The following LARP4 variants were observed in gnomAD, a reference collection of about 807,000 sequenced individuals.
LARP4 encodes La ribonucleoprotein 4, also known as la-related protein 4.
Under a neutral mutation model 92.9 loss-of-function variants are expected in LARP4, and 29 were observed. The observed-to-expected ratio is 0.31, with a 90% CI of 0.23 to 0.43. The LOEUF (loss-of-function observed/expected upper bound fraction) is 0.43, where lower values mean the gene tolerates loss of function less well. Among genes scored for constraint, LARP4 ranks in the 20% least tolerant of loss-of-function variants. The pLI is 1.00. For synonymous variants in LARP4, 279 were observed against 284.1 expected (o/e 0.98, Z 0.18); for missense variants, 732 against 860.0 (o/e 0.85, Z 1.86).
rs143186808 is a variant in LARP4 at position 50,445,081 on chromosome 12, G to A, written c.804+3438G>A. On this transcript the variant is annotated intron_variant, in intron 8 of 15. Transcript: ENST00000398473. ...CTCAGCTAATTTTTCTACTTTTTTT[G>A]TGGTAGAGACGGAGTTTTGCTGTGT... Among the ~76,000 whole-genome samples, 322 of 139,112 alleles carry A rather than the reference G, an allele frequency of 2.3e-3. 2 individuals are homozygous for A. The highest frequency in any genetic ancestry group is 8.2e-3 in the African/African-American group (302 of 36,836). 91.3% of individuals were successfully genotyped at this position (139,112 alleles called of 152,430 possible). A position where few individuals can be genotyped will look rare whatever the true frequency, so the allele number is the denominator to read the frequency against.
intron 1 of LARP4, among the ~76,000 whole-genome samples, chr12:50,414,256 G>A (rs920444343): frequency 7.2e-5 from 11 of 152,070 alleles, no homozygotes; most frequent in Non-Finnish European, 1.2e-4. Flanking sequence ...TAATTCTCTT[G>A]TTTAACAGTA....
At chr12:50,440,097 T>TA (rs1474184742) in intron 6 of LARP4, among the ~76,000 whole-genome samples, 6 of 152,220 alleles carry the variant, frequency 3.9e-5, no homozygotes, top group African/African-American at 1.4e-4. Context: ...GTGAAATACT[T>TA]ACGCTTTGCT....
chr12:50,411,057 T>C (rs982877214), intron 1 of LARP4, among the ~76,000 whole-genome samples: 7 of 152,186 alleles, frequency 4.6e-5, no homozygotes, highest in African/African-American at 1.7e-4. Context: ...GGTGGTCCAG[T>C]TTCCTTGCTG....
intron 1 of LARP4, chr12:50,402,876 C>G (rs1355869373): frequency 2.3e-6 from 1 of 440,324 alleles, no homozygotes; most frequent in African/African-American, 2.0e-5. Flanking sequence ...CTCCATTAAT[C>G]ATTTTCTTTG....
intron 1 of LARP4, chr12:50,402,622 G>T (rs1340528749): frequency 1.1e-5 from 3 of 266,008 alleles, no homozygotes; most frequent in Non-Finnish European, 2.2e-5. Context: ...TCCATTTATT[G>T]TTTAAACTAG....
rs1435776786 is a variant in LARP4 at position 50,476,037 on chromosome 12, A to G, written c.*173A>G. The G allele has an allele frequency of 4.0e-6, 2 of 497,978 alleles. No individual in the cohort carries two copies. Among genetic ancestry groups the G allele is most frequent in the Non-Finnish European group, 3.6e-6 (1 of 276,716 alleles). 30.8% of individuals were successfully genotyped at this position (497,978 alleles called of 1,614,324 possible). A position where few individuals can be genotyped will look rare whatever the true frequency, so the allele number is the denominator to read the frequency against. On this transcript the variant is annotated 3_prime_UTR_variant, in exon 16 of 16. Coordinates refer to ENST00000398473, the MANE Select transcript of LARP4 (RefSeq NM_052879.5). ...GATAGGATCCCAAAATTCATCTCTA[A>G]TGTGGTTTTTAAATGCTGGAGGATT... is the stretch of plus-strand genomic sequence containing the variant.
intron 10 of LARP4, among the ~76,000 whole-genome samples, chr12:50,459,897 G>A (rs962960495): frequency 2.0e-5 from 3 of 151,718 alleles, no homozygotes; most frequent in African/African-American, 7.3e-5. Flanking sequence ...CCGACACTTT[G>A]GGAGGCCAAG....
chr12:50,469,078 A>C (rs561891787), intron 13 of LARP4, among the ~76,000 whole-genome samples: 1 of 152,102 alleles, frequency 6.6e-6, no homozygotes, highest in Non-Finnish European at 1.5e-5. Context: ...CATGAAGTAT[A>C]AATTTCTTGC....
At chr12:50,444,945 T>TC (rs1217083610) in intron 8 of LARP4, among the ~76,000 whole-genome samples, 70 of 152,202 alleles carry the variant, frequency 4.6e-4, no homozygotes, top group Admixed American at 4.5e-3. Context: ...TGTCTTGCTT[T>TC]ATCACCCAGG....
At chr12:50,466,268 A>T (rs1593410392) in intron 12 of LARP4, among the ~76,000 whole-genome samples, 1 of 152,208 alleles carries the variant, frequency 6.6e-6, no homozygotes, top group African/African-American at 2.4e-5. Context: ...GATTTTTCAT[A>T]TATGTTATAT....
At chr12:50,414,146 T>C (rs1791591700) in intron 1 of LARP4, among the ~76,000 whole-genome samples, 1 of 152,228 alleles carries the variant, frequency 6.6e-6, no homozygotes, top group African/African-American at 2.4e-5. Flanking sequence ...TAGTATTGAA[T>C]CTGGGCCGTT....
chr12:50,401,525 C>G (rs1943846204), intron 1 of LARP4, among the ~76,000 whole-genome samples: 1 of 152,150 alleles, frequency 6.6e-6, no homozygotes, highest in Non-Finnish European at 1.5e-5. Flanking sequence ...TGAGCAACTT[C>G]CACCAAATTC....
chr12:50,444,206 TA>T (rs1951674991), intron 8 of LARP4, among the ~76,000 whole-genome samples: 1 of 152,002 alleles, frequency 6.6e-6, no homozygotes, highest in South Asian at 2.1e-4. Context: ...AATTCATTTT[TA>T]CTACTTTAAA....
intron 1 of LARP4, chr12:50,412,438 T>G: frequency 1.0e-6 from 1 of 974,636 alleles, no homozygotes; most frequent in Non-Finnish European, 1.2e-6. Flanking sequence ...GGATTTCTGT[T>G]TCTGATAGTA....
At chr12:50,447,318 C>G (rs1017074924) in intron 8 of LARP4, among the ~76,000 whole-genome samples, 3 of 152,134 alleles carry the variant, frequency 2.0e-5, no homozygotes, top group African/African-American at 4.8e-5. Context: ...TTAAAAGGGT[C>G]AGCAAACATT....
chr12:50,421,712 C>G (rs1378394273), intron 1 of LARP4, among the ~76,000 whole-genome samples: 2 of 151,826 alleles, frequency 1.3e-5, no homozygotes, highest in Admixed American at 6.6e-5. Context: ...GGGGAGAACA[C>G]CAATCTGGTC....
intron 8 of LARP4, among the ~76,000 whole-genome samples, chr12:50,444,296 T>G (rs1049018213): frequency 2.6e-5 from 4 of 152,200 alleles, no homozygotes. Flanking sequence ...ATCACTATTT[T>G]GATTATTCCT....
chr12:50,443,676 A>G (rs1385697357), intron 8 of LARP4, among the ~76,000 whole-genome samples: 1 of 152,136 alleles, frequency 6.6e-6, no homozygotes, highest in Non-Finnish European at 1.5e-5. Flanking sequence ...CAGTGGCACA[A>G]TCTCAGCTCA....
chr12:50,402,090 T>C (rs1001355626), intron 1 of LARP4, among the ~76,000 whole-genome samples: 2 of 152,172 alleles, frequency 1.3e-5, no homozygotes, highest in Non-Finnish European at 2.9e-5. Context: ...GGTTGTATAA[T>C]GAATCTAGGA....
Sources: allele counts gnomAD v4.1 joint callset (sites outside exome capture counted in the v4.1 genomes callset), GRCh38; gene constraint gnomAD v4.1.1; transcripts MANE v1.5; gene names NCBI Gene and HGNC (gene_info 2026-07-23, HGNC 2026-07-21).